The following MAP4K3 variants were observed in gnomAD, a reference collection of about 807,000 sequenced individuals.
The protein encoded by MAP4K3 is MAPK/ERK kinase kinase kinase 3.
A neutral mutation model predicts 143.5 loss-of-function variants in MAP4K3; 94 were observed. That is an observed-to-expected ratio of 0.65 (90% CI 0.55 to 0.78). MAP4K3 has a LOEUF of 0.78. Among genes scored for constraint, MAP4K3 ranks in the 30% least tolerant of loss-of-function variants. The pLI is 0.00. For synonymous variants in MAP4K3, 416 were observed against 347.2 expected (o/e 1.20, Z -2.20); for missense variants, 1,077 against 1,068.1 (o/e 1.01, Z -0.12).
Position 39,286,263 on chromosome 2 carries a change from C to T in MAP4K3, c.1587+589G>A, listed in dbSNP as rs1190146050. ...ACACTTCACAACAGGGTTTGCACTA[C>T]GAGAATCTAATGCTGCAGCTGACCT... On this transcript the variant is annotated intron_variant, in intron 21 of 33. Transcript: ENST00000263881. 2.6e-5 allele frequency among the ~76,000 whole-genome samples: 4 copies of T among 152,320 alleles called. No homozygotes were observed. The East Asian group carries it at 5.8e-4, about 22-fold the overall frequency.
At chr2:39,339,533 T>C (rs936917818) in intron 4 of MAP4K3, among the ~76,000 whole-genome samples, 36 of 152,174 alleles carry the variant, frequency 2.4e-4, no homozygotes, top group African/African-American at 8.2e-4. Context: ...CCTGGTAAGC[T>C]AGGGCTTTAG....
At position 39,309,454 on chromosome 2, in the gene MAP4K3, T is replaced by C. The variant is rs774785441; in HGVS notation, c.1056+7A>G. On this transcript the variant is annotated splice_region_variant and intron_variant, in intron 14 of 33. Coordinates refer to ENST00000263881, the MANE Select transcript of MAP4K3 (RefSeq NM_003618.4). ...CAGTGCTAACATTCTAAGGCTATAC[T>C]ACTTACAAGTTCATGATGTGGTTCT... The C allele has an allele frequency of 1.3e-6, 2 of 1,574,962 alleles. No individual in the cohort carries two copies. The highest frequency in any genetic ancestry group is 3.7e-5 in the Admixed American group (2 of 53,718).
chr2:39,415,700 A>G (rs1667350161), intron 1 of MAP4K3, among the ~76,000 whole-genome samples: 1 of 151,504 alleles, frequency 6.6e-6, no homozygotes, highest in South Asian at 2.1e-4. Context: ...GCCTATAATC[A>G]CAGCACTTTG....
chr2:39,386,684 T>C (rs1666513538), intron 1 of MAP4K3, among the ~76,000 whole-genome samples: 1 of 152,226 alleles, frequency 6.6e-6, no homozygotes, highest in South Asian at 2.1e-4. Context: ...GACTTCCACC[T>C]TTGTCAAAAA....
At chr2:39,256,655 T>A (rs182698862) in intron 31 of MAP4K3, among the ~76,000 whole-genome samples, 1 of 152,358 alleles carries the variant, frequency 6.6e-6, no homozygotes, top group African/African-American at 2.4e-5. Context: ...TTAAAAATGA[T>A]TTTCATAAGA....
chr2:39,258,083 C>G (rs1680417987), intron 31 of MAP4K3, among the ~76,000 whole-genome samples: 1 of 151,942 alleles, frequency 6.6e-6, no homozygotes, highest in Non-Finnish European at 1.5e-5. Context: ...AGGCGTGTGC[C>G]AGCAAACCTG....
rs1231399299 is a variant in MAP4K3 at position 39,270,404 on chromosome 2, G to GTATT, written c.1973+1875_1973+1878dup. On this transcript the variant is annotated intron_variant, in intron 26 of 33. Transcript: ENST00000263881. ...GGAATTCTAAATTAACTGTCTGAATGTATTTAACATAGGATATTTTAGAGT... is the reference window on the plus strand; with the variant it reads ...GGAATTCTAAATTAACTGTCTGAATGTATTTATTTAACATAGGATATTTTAGAGT... 7.9e-5 allele frequency among the ~76,000 whole-genome samples: 12 copies of GTATT among 152,178 alleles called. No individual in the cohort carries two copies. The East Asian group carries it at 2.3e-3, about 29-fold the overall frequency.
At chr2:39,354,271 G>A (rs1405834274) in intron 3 of MAP4K3, among the ~76,000 whole-genome samples, 2 of 151,908 alleles carry the variant, frequency 1.3e-5, no homozygotes, top group Non-Finnish European at 2.9e-5. Flanking sequence ...GTGAAACCCC[G>A]TCTCTACTAA....
At chr2:39,287,005 G>A (rs1216261220) in intron 20 of MAP4K3, 41 bp from the exon 21 acceptor site, 1 of 1,279,064 alleles carries the variant, frequency 7.8e-7, no homozygotes, top group East Asian at 2.4e-5. Context: ...TAATCTTCAT[G>A]AAAACTTTTA....
intron 2 of MAP4K3, among the ~76,000 whole-genome samples, chr2:39,363,999 A>AAT (rs1665847048): frequency 6.6e-6 from 1 of 151,446 alleles, no homozygotes; most frequent in African/African-American, 2.4e-5. Context: ...TTATAAAAAA[A>AAT]AAAAAAAAAA....
chr2:39,339,039 A>T (rs1314001342), intron 4 of MAP4K3, among the ~76,000 whole-genome samples: 2 of 152,232 alleles, frequency 1.3e-5, no homozygotes, highest in Non-Finnish European at 2.9e-5. Flanking sequence ...TCACTTTAGA[A>T]TAAAAAGTGG....
intron 2 of MAP4K3, among the ~76,000 whole-genome samples, chr2:39,369,297 G>A (rs550082789): frequency 6.8e-6 from 1 of 147,696 alleles, no homozygotes; most frequent in Admixed American, 7.0e-5. Flanking sequence ...CCAGGTTCAA[G>A]TGATTCTCCT....
intron 1 of MAP4K3, 41 bp from the exon 2 acceptor site, chr2:39,378,164 T>C (rs1387807086): frequency 5.9e-6 from 7 of 1,192,094 alleles, no homozygotes; most frequent in Non-Finnish European, 8.4e-6. Flanking sequence ...GAAGAAAGCT[T>C]TCATAAAAAG....
chr2:39,321,709 A>G (rs1489167834), intron 12 of MAP4K3, among the ~76,000 whole-genome samples: 2 of 152,246 alleles, frequency 1.3e-5, no homozygotes, highest in Non-Finnish European at 2.9e-5. Context: ...CCGATTGTAC[A>G]TTCCATCTAC....
At chr2:39,365,049 T>G (rs1665882353) in intron 2 of MAP4K3, among the ~76,000 whole-genome samples, 1 of 152,086 alleles carries the variant, frequency 6.6e-6, no homozygotes, top group African/African-American at 2.4e-5. Context: ...GAATACAGAT[T>G]TCCCCCACAA....
intron 3 of MAP4K3, among the ~76,000 whole-genome samples, chr2:39,346,391 G>C (rs1000081355): frequency 6.6e-6 from 1 of 151,948 alleles, no homozygotes; most frequent in Admixed American, 6.6e-5. Context: ...ACTAAGCATA[G>C]GACTTTTTTC....
chr2:39,320,281 C>T (rs1013779496), intron 12 of MAP4K3, among the ~76,000 whole-genome samples: 4 of 152,130 alleles, frequency 2.6e-5, no homozygotes, highest in African/African-American at 7.2e-5. Context: ...AAAAAATCTG[C>T]GTCAACTCCT....
chr2:39,419,395 T>C (rs997931536), intron 1 of MAP4K3, among the ~76,000 whole-genome samples: 14 of 152,298 alleles, frequency 9.2e-5, no homozygotes, highest in African/African-American at 3.4e-4. Flanking sequence ...CCTTTTTATA[T>C]TATTTTCTAT....
At chr2:39,357,028 G>C (rs1476297280) in intron 2 of MAP4K3, among the ~76,000 whole-genome samples, 1 of 152,194 alleles carries the variant, frequency 6.6e-6, no homozygotes, top group Non-Finnish European at 1.5e-5. Context: ...TCCTGTATTT[G>C]AGTGCCTTGT....
Sources: gnomAD v4.1 joint callset for allele counts (sites outside exome capture counted in the v4.1 genomes callset) on GRCh38, gnomAD v4.1.1 for gene constraint, MANE v1.5 for transcripts, NCBI Gene and HGNC (gene_info 2026-07-23, HGNC 2026-07-21) for gene names.